The following ZNRF3 variants were observed in gnomAD, a reference collection of about 807,000 sequenced individuals.
ZNRF3 encodes E3 ubiquitin-protein ligase ZNRF3.
A neutral mutation model predicts 72.5 loss-of-function variants in ZNRF3; 23 were observed. The observed-to-expected ratio is 0.32, with a 90% confidence interval of 0.23 to 0.45. ZNRF3 has a LOEUF of 0.45. Among genes scored for constraint, ZNRF3 ranks in the 20% least tolerant of loss-of-function variants. The pLI is 1.00. For synonymous variants in ZNRF3, 610 were observed against 545.3 expected (o/e 1.12, Z -1.65); for missense variants, 1,169 against 1,272.1 (o/e 0.92, Z 1.23).
chr22:28,966,738 CAAAAGTT>C (rs2035469868), intron 1 of ZNRF3, among the ~76,000 whole-genome samples: 1 of 150,890 alleles, frequency 6.6e-6, no homozygotes, highest in Admixed American at 6.6e-5. Flanking sequence ...TTACAAAAGT[CAAAAGTT>C]AAAATTAAGT....
intron 1 of ZNRF3, among the ~76,000 whole-genome samples, chr22:28,982,681 C>T (rs1343933060): frequency 6.6e-6 from 1 of 152,012 alleles, no homozygotes; most frequent in Non-Finnish European, 1.5e-5. Flanking sequence ...CATTTTATGC[C>T]TTTGCCTAGA....
intron 1 of ZNRF3, among the ~76,000 whole-genome samples, chr22:28,949,365 C>T (rs566148485): frequency 6.6e-6 from 1 of 152,344 alleles, no homozygotes; most frequent in East Asian, 1.9e-4. Flanking sequence ...GCCTCTACCT[C>T]CTAGACTCAA....
intron 1 of ZNRF3, among the ~76,000 whole-genome samples, chr22:28,895,320 T>G (rs1364711272): frequency 6.6e-6 from 1 of 152,202 alleles, no homozygotes; most frequent in Non-Finnish European, 1.5e-5. Context: ...GCTCCTTCTC[T>G]CTTTTTGGCT....
chr22:28,989,056 G>T (rs2035907210), intron 2 of ZNRF3, among the ~76,000 whole-genome samples: 1 of 152,132 alleles, frequency 6.6e-6, no homozygotes, highest in African/African-American at 2.4e-5. Context: ...AAAACCCTAG[G>T]CATATATTGA....
rs2037163490 is a variant in ZNRF3, at chr22:29,050,054, G to A, written c.1873G>A (p.Glu625Lys). The A allele has an allele frequency of 3.1e-6, 5 of 1,607,886 alleles. No homozygotes were observed. The highest frequency in any genetic ancestry group is 1.3e-5 in the African/African-American group (1 of 74,846). The change falls in exon 8 of 9, where the codon GAG (glutamate) becomes AAG (lysine). Residue 625 changes from glutamate (E) to lysine (K), a missense_variant. Around this residue, in one of 2 missense-constraint regions of ZNRF3, gnomAD observed 783 missense variants for 731.4 expected, o/e 1.07. Coordinates refer to ENST00000544604, the MANE Select transcript of ZNRF3 (RefSeq NM_001206998.2). Reference protein sequence around the residue: ...SSGRGPALCFEGSPPPEELPA... With the variant: ...SSGRGPALCFKGSPPPEELPA... ...GGGCCGGGGACCTGCCCTGTGCTTC[G>A]AGGGCTCCCCGCCTCCCGAGGAGCT...
intron 1 of ZNRF3, among the ~76,000 whole-genome samples, chr22:28,937,174 AATATATATATATATATATATAT>A (rs61520434): frequency 2.5e-5 from 2 of 78,736 alleles, no homozygotes; most frequent in African/African-American, 1.3e-4. Context: ...TCTCTCTTAT[AATATATATATATATATATATAT>A]ATATATATAT....
intron 1 of ZNRF3, among the ~76,000 whole-genome samples, chr22:28,904,019 G>A (rs1267163239): frequency 1.3e-5 from 2 of 152,070 alleles, no homozygotes; most frequent in African/African-American, 4.8e-5. Flanking sequence ...TGGGTAAAGG[G>A]CATACTCACA....
intron 6 of ZNRF3, 62 bp downstream of exon 6, chr22:29,046,945 C>A: frequency 1.4e-6 from 2 of 1,404,596 alleles, no homozygotes; most frequent in South Asian, 3.7e-5. Context: ...CAGAGGTGCC[C>A]AAGACCTAGA....
intron 5 of ZNRF3, among the ~76,000 whole-genome samples, 182 bp from the exon 6 acceptor site, chr22:29,046,534 C>T (rs1022457607): frequency 7.9e-5 from 12 of 152,104 alleles, no homozygotes; most frequent in African/African-American, 2.9e-4. Context: ...ATGTCGTGGA[C>T]ACCCCACGCG....
chr22:28,930,315 A>G (rs1438139257), intron 1 of ZNRF3, among the ~76,000 whole-genome samples: 1 of 152,252 alleles, frequency 6.6e-6, no homozygotes, highest in African/African-American at 2.4e-5. Context: ...AGAAACACAT[A>G]TAGCTCAGCT....
rs144782309 is a variant in ZNRF3 at position 29,027,186 on chromosome 22, G to A, written c.427-15309G>A. 2.1e-3 allele frequency among the ~76,000 whole-genome samples: 325 copies of A among 152,090 alleles called. 1 individual carries two copies. The highest frequency in any genetic ancestry group is 6.8e-3 in the Middle Eastern group (2 of 294). ...CAAAGGCTAGATCTACCTCCAGCCC[G>A]GTTCCCATTAGTCAATCTCCAGGAA... On this transcript the variant is annotated intron_variant, in intron 2 of 8. Transcript: ENST00000544604.
Position 29,049,162 on chromosome 22 carries a change from G to C in ZNRF3, c.1016-35G>C. The stretch of plus-strand genomic sequence containing the variant: ...TTAGCCTCTGACACCAGTATGCTCA[G>C]CCCTGCCTACTCTGTTTCCTCCACT... On this transcript the variant is annotated intron_variant, in intron 7 of 8. Coordinates refer to ENST00000544604, the MANE Select transcript of ZNRF3 (RefSeq NM_001206998.2). The surrounding 1 kb of genome is among the most constrained non-coding windows in gnomAD (Gnocchi z 5.2). The C allele has an allele frequency of 6.4e-7, 1 of 1,558,460 alleles. No homozygotes were observed. Among genetic ancestry groups the C allele is most frequent in the Non-Finnish European group, 8.7e-7 (1 of 1,149,986 alleles).
chr22:29,003,419 C>A (rs568383807), intron 2 of ZNRF3, among the ~76,000 whole-genome samples: 94 of 150,956 alleles, frequency 6.2e-4, no homozygotes, highest in Admixed American at 4.9e-3. Flanking sequence ...ACTCAGGAGG[C>A]AGGAGAATGG....
At chr22:28,909,006 C>T (rs1336301378) in intron 1 of ZNRF3, among the ~76,000 whole-genome samples, 1 of 152,192 alleles carries the variant, frequency 6.6e-6, no homozygotes, top group African/African-American at 2.4e-5. Context: ...AGCAATTCTT[C>T]TGCCTCAGCC....
At chr22:28,926,139 C>T (rs994305947) in intron 1 of ZNRF3, among the ~76,000 whole-genome samples, 1 of 152,180 alleles carries the variant, frequency 6.6e-6, no homozygotes, top group Non-Finnish European at 1.5e-5. Flanking sequence ...ACTGCCCTTC[C>T]TTCATCTTGT....
chr22:28,938,901 C>A (rs2034889949), intron 1 of ZNRF3, among the ~76,000 whole-genome samples: 1 of 152,128 alleles, frequency 6.6e-6, no homozygotes, highest in Non-Finnish European at 1.5e-5. Context: ...TCAGATTTGG[C>A]AATCAGACCC....
intron 1 of ZNRF3, among the ~76,000 whole-genome samples, chr22:28,890,475 G>A (rs749715631): frequency 1.4e-4 from 22 of 152,202 alleles, no homozygotes; most frequent in Non-Finnish European, 3.2e-4. Context: ...ACTCCAGCCT[G>A]AGCGACAGAG....
At chr22:28,936,431 C>T (rs1037005094) in intron 1 of ZNRF3, among the ~76,000 whole-genome samples, 2 of 152,136 alleles carry the variant, frequency 1.3e-5, no homozygotes, top group Non-Finnish European at 2.9e-5. Flanking sequence ...CCCTGGAGTA[C>T]ATCAGCAGGC....
chr22:29,029,957 C>T (rs2036714212), intron 2 of ZNRF3, among the ~76,000 whole-genome samples: 1 of 152,146 alleles, frequency 6.6e-6, no homozygotes, highest in Non-Finnish European at 1.5e-5. Context: ...TTTGAAGTTT[C>T]TAGTTGCTGA....
Sources: allele counts gnomAD v4.1 joint callset (sites outside exome capture counted in the v4.1 genomes callset), GRCh38; gene constraint gnomAD v4.1.1; regional missense constraint gnomAD v4.1.1; non-coding constraint Gnocchi (gnomAD v3.1); transcripts MANE v1.5; gene names NCBI Gene and HGNC (gene_info 2026-07-23, HGNC 2026-07-21).